CRTAM: variants seen among roughly 807,000 people sequenced by gnomAD.
CRTAM encodes the protein cytotoxic and regulatory T cell molecule, also known as cytotoxic and regulatory T-cell molecule.
CRTAM carries 44 observed loss-of-function variants against 50.0 expected under a neutral mutation model. That is an observed-to-expected ratio of 0.88 (90% confidence interval 0.69 to 1.13). The LOEUF is 1.13. CRTAM is among the 50% of genes most tolerant of loss of function. The pLI, the probability that CRTAM is intolerant of heterozygous loss-of-function variation, is 0.00. For synonymous variants in CRTAM, 159 were observed against 169.3 expected (o/e 0.94, Z 0.47); for missense variants, 448 against 457.5 (o/e 0.98, Z 0.19).
chr11:122,862,430 A>G (rs781252243), intron 5 of CRTAM, 34 bp from the exon 6 acceptor site: 6 of 1,364,922 alleles, frequency 4.4e-6, no homozygotes, highest in Middle Eastern at 1.8e-4. Context: ...ACTGCTCTCT[A>G]TAGTAGCAGA....
intron 1 of CRTAM, among the ~76,000 whole-genome samples, chr11:122,841,675 C>A (rs1861800199): frequency 6.6e-6 from 1 of 152,114 alleles, no homozygotes; most frequent in Non-Finnish European, 1.5e-5. Flanking sequence ...GCTGGGATTA[C>A]AGGTGTGAGC....
chr11:122,838,960 G>A (rs540884173), intron 1 of CRTAM, among the ~76,000 whole-genome samples: 149 of 152,012 alleles, frequency 9.8e-4, no homozygotes, highest in African/African-American at 3.4e-3. Context: ...ACACAGTCTC[G>A]CTCTGTCGCC....
chr11:122,847,129 A>G (rs188342757), intron 1 of CRTAM, among the ~76,000 whole-genome samples: 7 of 152,344 alleles, frequency 4.6e-5, no homozygotes, highest in Admixed American at 2.6e-4. Context: ...CAATGACTCT[A>G]TGAGATGAAT....
At chr11:122,847,697 TC>T (rs1453974257) in intron 1 of CRTAM, among the ~76,000 whole-genome samples, 2 of 152,076 alleles carry the variant, frequency 1.3e-5, no homozygotes, top group African/African-American at 2.4e-5. Context: ...GACACATAAG[TC>T]CCCTGTCCCA....
intron 1 of CRTAM, among the ~76,000 whole-genome samples, chr11:122,848,435 A>C (rs1289719493): frequency 6.6e-6 from 1 of 152,178 alleles, no homozygotes; most frequent in African/African-American, 2.4e-5. Context: ...CTTTTTTTGG[A>C]AAGCACAGAT....
chr11:122,848,064 A>G (rs1861887337), intron 1 of CRTAM, among the ~76,000 whole-genome samples: 1 of 152,184 alleles, frequency 6.6e-6, no homozygotes, highest in South Asian at 2.1e-4. Flanking sequence ...GGCTTTGGGA[A>G]TAGGATGCTC....
intron 5 of CRTAM, 61 bp downstream of exon 5, chr11:122,855,917 A>G (rs1862001073): frequency 7.2e-7 from 1 of 1,387,050 alleles, no homozygotes; most frequent in Non-Finnish European, 1.0e-6. Flanking sequence ...TACACTATCA[A>G]ACAAAATTAA....
rs1004171144 is a variant in CRTAM, at chr11:122,868,072, A to G, written c.1024A>G (p.Thr342Ala). 6.2e-7 allele frequency: 1 copy of G among 1,612,836 alleles called. No individual in the cohort carries two copies. The highest frequency in any genetic ancestry group is 1.7e-5 in the Admixed American group (1 of 60,018). Residue 342 changes from threonine to alanine, a missense_variant, in exon 9 of 10, where the codon ACA becomes GCA. Coordinates refer to ENST00000227348, the MANE Select transcript of CRTAM (RefSeq NM_019604.4). ...SYRSRSNNEETSSEEKNGQSS... is the reference protein window; with the variant it reads ...SYRSRSNNEEASSEEKNGQSS... ...CAGATCAAGGTCAAATAATGAAGAA[A>G]CATCATCTGAAGAGAAAAATGGCCA...
At chr11:122,856,810 C>G (rs1052806444) in intron 5 of CRTAM, among the ~76,000 whole-genome samples, 4 of 152,170 alleles carry the variant, frequency 2.6e-5, no homozygotes, top group African/African-American at 4.8e-5. Context: ...GTCACTTTCT[C>G]ACCAAACCAA....
chr11:122,839,954 T>C (rs1340960867), intron 1 of CRTAM, among the ~76,000 whole-genome samples: 1 of 152,188 alleles, frequency 6.6e-6, no homozygotes, highest in African/African-American at 2.4e-5. Flanking sequence ...ATTTTGGTAA[T>C]GAATAATATT....
intron 9 of CRTAM, among the ~76,000 whole-genome samples, chr11:122,870,388 A>G (rs1251403687): frequency 1.3e-5 from 2 of 152,156 alleles, no homozygotes; most frequent in Non-Finnish European, 2.9e-5. Context: ...GCCAACTTTA[A>G]GAATATTTAA....
chr11:122,862,616 T>A, intron 6 of CRTAM, 72 bp downstream of exon 6: 1 of 983,908 alleles, frequency 1.0e-6, no homozygotes, highest in South Asian at 1.5e-5. Context: ...TTTCTCATTC[T>A]AAGTTTTAAG....
At chr11:122,864,496 C>T (rs1591356794) in intron 6 of CRTAM, 140 bp from the exon 7 acceptor site, 1 of 555,468 alleles carries the variant, frequency 1.8e-6, no homozygotes, top group Non-Finnish European at 3.2e-6. Flanking sequence ...GCAAGAAATC[C>T]ATAGTTCACA....
Position 122,851,817 on chromosome 11 carries a change from C to T in CRTAM, c.318C>T (p.Ser106=). ...YKCLHYSDSV[S]TKEVKVIVLA... ...GCTTACATTACAGCGACTCTGTAAG[C>T]ACAAAGGAAGTGAAAGTGATTGTGC... Residue 106 remains serine, a synonymous_variant, in exon 3 of 10, where the codon AGC becomes AGT. Coordinates refer to ENST00000227348, the MANE Select transcript of CRTAM (RefSeq NM_019604.4). 2 of 1,614,120 alleles carry T rather than the reference C, an allele frequency of 1.2e-6. No individual in the cohort carries two copies. The highest frequency in any genetic ancestry group is 8.5e-7 in the Non-Finnish European group (1 of 1,179,998).
chr11:122,863,262 GAAAGAAAGAA>G (rs201600524), intron 6 of CRTAM, among the ~76,000 whole-genome samples: 4,849 of 59,734 alleles, frequency 0.081, 386 homozygotes, highest in East Asian at 0.46. Flanking sequence ...AGAAAGAAAA[GAAAGAAAGAA>G]AAAGAAAGAA....
intron 9 of CRTAM, among the ~76,000 whole-genome samples, chr11:122,870,590 CTT>C (rs1862240906): frequency 6.6e-6 from 1 of 152,176 alleles, no homozygotes; most frequent in African/African-American, 2.4e-5. Context: ...TCTCTAGTCT[CTT>C]TGTACAGAAT....
chr11:122,844,546 C>T (rs1247796413), intron 1 of CRTAM, among the ~76,000 whole-genome samples: 2 of 152,280 alleles, frequency 1.3e-5, no homozygotes, highest in East Asian at 3.9e-4. Flanking sequence ...TTTTTATTAA[C>T]AACAGGAGAA....
intron 1 of CRTAM, among the ~76,000 whole-genome samples, chr11:122,841,586 G>C (rs1321207006): frequency 6.6e-6 from 1 of 151,826 alleles, no homozygotes; most frequent in African/African-American, 2.4e-5. Flanking sequence ...ATTTTTAGTA[G>C]AGACAGGCTT....
intron 9 of CRTAM, among the ~76,000 whole-genome samples, chr11:122,869,887 G>T (rs1358041433): frequency 6.6e-6 from 1 of 152,130 alleles, no homozygotes; most frequent in African/African-American, 2.4e-5. Context: ...CGATTGTGTT[G>T]CAACACCTGT....
Sources: allele counts gnomAD v4.1 joint callset (sites outside exome capture counted in the v4.1 genomes callset), GRCh38; gene constraint gnomAD v4.1.1; transcripts MANE v1.5; gene names NCBI Gene and HGNC (gene_info 2026-07-23, HGNC 2026-07-21).